The following ZNF445 variants were observed in gnomAD, a reference collection of about 807,000 sequenced individuals.
ZNF445 encodes the protein zinc finger protein 445, also known as zinc finger protein 168.
In ZNF445, 19 loss-of-function variants were observed where a neutral mutation model predicts 93.9. That is an observed-to-expected ratio of 0.20 (90% CI 0.14 to 0.30). The LOEUF (loss-of-function observed/expected upper bound fraction) is 0.30, where lower values mean the gene tolerates loss of function less well. Among genes scored for constraint, ZNF445 ranks in the 10% least tolerant of loss-of-function variants. The probability of loss-of-function intolerance (pLI) is 1.00; values close to 1 mark genes in which losing one functional copy is unlikely to be tolerated. For missense variants in ZNF445, 1,058 were observed against 1,259.4 expected (o/e 0.84, Z 2.42); for synonymous variants, 449 against 446.3 (o/e 1.01, Z -0.08).
chr3:44,460,305 G>A (rs751504990), intron 1 of ZNF445, among the ~76,000 whole-genome samples: 27 of 152,216 alleles, frequency 1.8e-4, no homozygotes, highest in Non-Finnish European at 3.4e-4. Flanking sequence ...AACTTTGGGA[G>A]AAACTAATAG....
rs1370121093 is a variant in ZNF445, at chr3:44,445,776, T to C, written c.*799A>G. On this transcript the variant is annotated 3_prime_UTR_variant, in exon 8 of 8. Transcript: ENST00000396077. ...CTACACACATCACCATCCAGAATACTGCGTATCCCATTTGTTTGTCATCTG... is the reference window on the plus strand; with the variant it reads ...CTACACACATCACCATCCAGAATACCGCGTATCCCATTTGTTTGTCATCTG... 1 of 152,378 alleles carries C rather than the reference T, an allele frequency of 6.6e-6. No homozygotes were observed. Among genetic ancestry groups the C allele is most frequent in the Non-Finnish European group, 1.5e-5 (1 of 68,136 alleles). The allele number at this position is 152,378 out of a possible 1,614,324, so 9.4% of individuals were successfully genotyped here.
At chr3:44,470,004 T>C (rs1559399908) in intron 1 of ZNF445, among the ~76,000 whole-genome samples, 1 of 152,098 alleles carries the variant, frequency 6.6e-6, no homozygotes, top group East Asian at 1.9e-4. Flanking sequence ...CACAGCTCAC[T>C]GCAGCCTCAA....
intron 6 of ZNF445, chr3:44,450,223 G>A: frequency 1.8e-6 from 1 of 550,952 alleles, no homozygotes; most frequent in East Asian, 3.4e-5. Flanking sequence ...ACAGGTGTGA[G>A]CTACCACACC....
At chr3:44,467,748 T>G (rs1698213982) in intron 1 of ZNF445, among the ~76,000 whole-genome samples, 1 of 152,230 alleles carries the variant, frequency 6.6e-6, no homozygotes, top group Non-Finnish European at 1.5e-5. Flanking sequence ...GGCTAAAGTT[T>G]ATTTTGTAAA....
intron 1 of ZNF445, among the ~76,000 whole-genome samples, chr3:44,474,053 A>G (rs940074725): frequency 1.3e-5 from 2 of 152,232 alleles, no homozygotes; most frequent in African/African-American, 4.8e-5. Flanking sequence ...AGATCAATCA[A>G]TGAATGCTAC....
chr3:44,441,787 T>G lies in ZNF445; in HGVS notation c.*4788A>C, dbSNP rs1697814696. The G allele has an allele frequency of 6.6e-6, 1 of 152,226 alleles. No homozygotes were observed. The highest frequency in any genetic ancestry group is 1.5e-5 in the Non-Finnish European group (1 of 68,040). 9.4% of individuals were successfully genotyped at this position (152,226 alleles called of 1,614,324 possible). A position where few individuals can be genotyped will look rare whatever the true frequency, so the allele number is the denominator to read the frequency against. On this transcript the variant is annotated 3_prime_UTR_variant, in exon 8 of 8. Transcript: ENST00000396077. ...AAAGAAAACACAACTGAAGGCCCCATGTACCCTCCCCAAATCCATCAGGTC... is the reference window on the plus strand; with the variant it reads ...AAAGAAAACACAACTGAAGGCCCCAGGTACCCTCCCCAAATCCATCAGGTC...
chr3:44,470,930 A>G (rs910737181), intron 1 of ZNF445, among the ~76,000 whole-genome samples: 37 of 151,542 alleles, frequency 2.4e-4, no homozygotes, highest in African/African-American at 8.2e-4. Flanking sequence ...ATGTAAGGAG[A>G]AAAAAAAACA....
At chr3:44,449,816 C>T (rs1158412526) in intron 6 of ZNF445, among the ~76,000 whole-genome samples, 193 bp from the exon 7 acceptor site, 1 of 152,192 alleles carries the variant, frequency 6.6e-6, no homozygotes, top group African/African-American at 2.4e-5. Flanking sequence ...AAGTTGCCCA[C>T]AAAAGGATTA....
Position 44,432,164 on chromosome 3 carries a change from C to T in ZNF445, c.*14411G>A, listed in dbSNP as rs908597991. 9 of 152,150 alleles carry T rather than the reference C, an allele frequency of 5.9e-5. No homozygotes were observed. The highest frequency in any genetic ancestry group is 1.2e-4 in the Non-Finnish European group (8 of 68,066). 9.4% of individuals were successfully genotyped at this position (152,150 alleles called of 1,614,324 possible). A position where few individuals can be genotyped will look rare whatever the true frequency, so the allele number is the denominator to read the frequency against. On this transcript the variant is annotated 3_prime_UTR_variant, in exon 8 of 8. Transcript: ENST00000396077. ...CCACCTGCCTCAGCCTCCCAAAGTG[C>T]TGAGATTACAGGCGTTGAGCCACCA...
At chr3:44,475,259 C>T (rs765555021) in intron 1 of ZNF445, among the ~76,000 whole-genome samples, 13 of 152,032 alleles carry the variant, frequency 8.6e-5, no homozygotes, top group African/African-American at 1.9e-4. Flanking sequence ...AGTACGATGG[C>T]GTGACCTCCA....
At chr3:44,465,999 T>C (rs552327129) in intron 1 of ZNF445, among the ~76,000 whole-genome samples, 2 of 152,318 alleles carry the variant, frequency 1.3e-5, no homozygotes, top group East Asian at 3.9e-4. Flanking sequence ...AAATTTGGTT[T>C]TCTCTTTTGA....
chr3:44,448,454 A>G lies in ZNF445; in HGVS notation c.1217T>C (p.Val406Ala). Residue 406 changes from valine (V) to alanine (A), a missense_variant, in exon 8 of 8, where the codon GTT (valine) becomes GCT (alanine). Physicochemically the swap from Val to Ala is moderately conservative, Grantham distance 64. This residue lies in a region of ZNF445 where 657 missense variants were observed against 746.4 expected (regional missense o/e 0.88). Coordinates refer to ENST00000396077, the MANE Select transcript of ZNF445 (RefSeq NM_181489.6). ...LDLKHVTYLR[V>A]SGRKESLKHG... ...TTTAAGGGATTCCTTTCTTCCAGAA[A>G]CTCTCAAATATGTAACATGTTTTAA... 12 of 1,613,542 alleles carry G rather than the reference A, an allele frequency of 7.4e-6. No homozygotes were observed. Among genetic ancestry groups the G allele is most frequent in the Non-Finnish European group, 1.0e-5 (12 of 1,179,888 alleles).
Position 44,439,030 on chromosome 3 carries a change from T to G in ZNF445, c.*7545A>C, listed in dbSNP as rs185810929. On this transcript the variant is annotated 3_prime_UTR_variant, in exon 8 of 8. Transcript: ENST00000396077. Reference sequence around the variant, plus strand: ...GTATAAAAAAAAAAAAAACAAGGACTCCAGGCATGGTGGCTCACACCTGTA... The same window carrying G: ...GTATAAAAAAAAAAAAAACAAGGACGCCAGGCATGGTGGCTCACACCTGTA... 1.2e-4 allele frequency: 17 copies of G among 147,076 alleles called. No homozygotes were observed. In the East Asian group the frequency reaches 3.0e-3, roughly 26 times the overall value. 9.1% of individuals were successfully genotyped at this position (147,076 alleles called of 1,614,324 possible). A position where few individuals can be genotyped will look rare whatever the true frequency, so the allele number is the denominator to read the frequency against.
chr3:44,450,359 C>T, intron 6 of ZNF445, 88 bp downstream of exon 6: 1 of 1,564,066 alleles, frequency 6.4e-7, no homozygotes, highest in Admixed American at 1.7e-5. Flanking sequence ...GATCTAAAAC[C>T]AGGTCAGGTA....
rs1697840825 is a variant in ZNF445, at chr3:44,443,699, T to C, written c.*2876A>G. ...TGAGCCCAGGAGGCAGAGCTTGCAGTGAGCGGAGATCGCGCCACTGCACTC... is the reference window on the plus strand; with the variant it reads ...TGAGCCCAGGAGGCAGAGCTTGCAGCGAGCGGAGATCGCGCCACTGCACTC... On this transcript the variant is annotated 3_prime_UTR_variant, in exon 8 of 8. Transcript: ENST00000396077. 6.6e-6 allele frequency: 1 copy of C among 151,300 alleles called. No individual in the cohort carries two copies. The highest frequency in any genetic ancestry group is 2.1e-4 in the South Asian group (1 of 4,802). 9.4% of individuals were successfully genotyped at this position (151,300 alleles called of 1,614,324 possible). A position where few individuals can be genotyped will look rare whatever the true frequency, so the allele number is the denominator to read the frequency against.
chr3:44,461,029 T>C (rs1456801382), intron 1 of ZNF445, among the ~76,000 whole-genome samples: 2 of 152,114 alleles, frequency 1.3e-5, no homozygotes, highest in Non-Finnish European at 2.9e-5. Context: ...ACAGATTTAA[T>C]AGCAATGGAG....
At chr3:44,460,858 G>T (rs1179723088) in intron 1 of ZNF445, among the ~76,000 whole-genome samples, 2 of 152,138 alleles carry the variant, frequency 1.3e-5, no homozygotes, top group Non-Finnish European at 2.9e-5. Context: ...CAAATTTGGG[G>T]GCTTGTCCAG....
rs1179641191 is a variant in ZNF445 at position 44,435,551 on chromosome 3, C to T, written c.*11024G>A. 6.6e-6 allele frequency: 1 copy of T among 152,188 alleles called. No individual in the cohort carries two copies. The highest frequency in any genetic ancestry group is 1.5e-5 in the Non-Finnish European group (1 of 68,042). The allele number at this position is 152,188 out of a possible 1,614,324, so 9.4% of individuals were successfully genotyped here. ...GAGCTAAGTGGAGATGTGTTCCCGT[C>T]TTTGATGGTGGCACTAATCTCAACA... On this transcript the variant is annotated 3_prime_UTR_variant, in exon 8 of 8. Coordinates refer to ENST00000396077, the MANE Select transcript of ZNF445 (RefSeq NM_181489.6).
intron 2 of ZNF445, among the ~76,000 whole-genome samples, chr3:44,457,918 C>T (rs1457590915): frequency 6.8e-6 from 1 of 146,954 alleles, no homozygotes; most frequent in African/African-American, 2.5e-5. Flanking sequence ...GAGGCTGAGG[C>T]AGGAGAATTG....
Sources: gnomAD v4.1 joint callset for allele counts (sites outside exome capture counted in the v4.1 genomes callset) on GRCh38, gnomAD v4.1.1 for gene constraint, gnomAD v4.1.1 regional missense constraint, MANE v1.5 for transcripts, NCBI Gene and HGNC (gene_info 2026-07-23, HGNC 2026-07-21) for gene names.